Variants in VPS13B observed in about 807,000 individuals in gnomAD.
The protein encoded by VPS13B is intermembrane lipid transfer protein VPS13B.
A neutral mutation model predicts 426.4 loss-of-function variants in VPS13B; 285 were observed. The ratio of observed to expected loss-of-function variants is 0.67; its 90% CI spans 0.61 to 0.74. VPS13B has a LOEUF of 0.74. Ranked by LOEUF, VPS13B falls within the 30% of genes least tolerant of loss-of-function variation. The probability of loss-of-function intolerance (pLI) is 0.00; values close to 1 mark genes in which losing one functional copy is unlikely to be tolerated. For missense variants in VPS13B, 4,537 were observed against 4,782.6 expected (o/e 0.95, Z 1.51); for synonymous variants, 1,676 against 1,676.4 (o/e 1.00, Z 0.01).
At chr8:99,782,492 G>A (rs975425751) in intron 42 of VPS13B, among the ~76,000 whole-genome samples, 6 of 151,882 alleles carry the variant, frequency 4.0e-5, no homozygotes, top group Admixed American at 3.9e-4. Flanking sequence ...ACCTTGGGAG[G>A]ATCTCAGAAG....
At chr8:99,159,047 G>T (rs953610879) in intron 15 of VPS13B, among the ~76,000 whole-genome samples, 1 of 152,218 alleles carries the variant, frequency 6.6e-6, no homozygotes, top group Non-Finnish European at 1.5e-5. Flanking sequence ...ACAGAAGGAG[G>T]TCAATCTATT....
At position 99,875,518 on chromosome 8, in the gene VPS13B, T is replaced by C. The variant is rs749127179; in HGVS notation, c.11846T>C (p.Met3949Thr). The change falls in exon 62 of 62, where the codon ATG becomes ACG. Residue 3949 changes from methionine (M) to threonine (T), a missense_variant. Transcript: ENST00000357162. ...SCHLAPSCSSMQIPCPVVAAE... is the reference protein window; with the variant it reads ...SCHLAPSCSSTQIPCPVVAAE... The stretch of plus-strand genomic sequence containing the variant: ...CACCTGGCCCCCAGCTGTTCTTCCA[T>C]GCAAATACCATGCCCTGTGGTGGCT... The C allele has an allele frequency of 9.3e-6, 15 of 1,613,978 alleles. No individual in the cohort carries two copies. The highest frequency in any genetic ancestry group is 1.3e-5 in the African/African-American group (1 of 74,932).
intron 17 of VPS13B, among the ~76,000 whole-genome samples, chr8:99,236,414 T>C (rs1405560656): frequency 6.6e-6 from 1 of 152,174 alleles, no homozygotes; most frequent in East Asian, 1.9e-4. Flanking sequence ...CACGCCTGGC[T>C]AATTTTTGTA....
intron 43 of VPS13B, among the ~76,000 whole-genome samples, chr8:99,802,153 TAA>T (rs570745937): frequency 2.7e-5 from 3 of 112,952 alleles, no homozygotes; most frequent in Admixed American, 8.6e-5. Flanking sequence ...CAGTCTCAAA[TAA>T]AAAAAAAAAA....
At chr8:99,574,117 A>G (rs1825633695) in intron 31 of VPS13B, among the ~76,000 whole-genome samples, 1 of 152,068 alleles carries the variant, frequency 6.6e-6, no homozygotes, top group South Asian at 2.1e-4. Flanking sequence ...TTATTTGTGG[A>G]TAAGAATGCT....
intron 24 of VPS13B, among the ~76,000 whole-genome samples, chr8:99,474,481 C>T (rs914860797): frequency 6.6e-6 from 1 of 151,826 alleles, no homozygotes; most frequent in South Asian, 2.1e-4. Flanking sequence ...GCCACTGCAC[C>T]CGGACTAAAA....
chr8:99,442,623 A>G lies in VPS13B; in HGVS notation c.3433A>G (p.Ile1145Val). Residue 1145 changes from isoleucine to valine, a missense_variant, in exon 23 of 62, where the codon ATC becomes GTC. Physicochemically the swap from Ile to Val is conservative, Grantham distance 29. Coordinates refer to ENST00000357162, the MANE Select transcript of VPS13B (RefSeq NM_152564.5). ...QEIPFVIPRP[I>V]LEEGDAFPWT... is the part of the protein sequence containing the mutation. ...GATTCCATTTGTTATCCCACGACCCATCCTTGAAGAAGGTATATGTTAACA... is the reference window on the plus strand; with the variant it reads ...GATTCCATTTGTTATCCCACGACCCGTCCTTGAAGAAGGTATATGTTAACA... The G allele has an allele frequency of 6.2e-7, 1 of 1,613,810 alleles. No homozygotes were observed. Among genetic ancestry groups the G allele is most frequent in the Non-Finnish European group, 8.5e-7 (1 of 1,179,782 alleles).
chr8:99,247,356 A>T (rs536665980), intron 17 of VPS13B, among the ~76,000 whole-genome samples: 47 of 152,166 alleles, frequency 3.1e-4, no homozygotes, highest in Non-Finnish European at 5.4e-4. Context: ...ACAGCATACC[A>T]TATTTTCATC....
At chr8:99,869,646 T>C (rs1421128241) in intron 59 of VPS13B, among the ~76,000 whole-genome samples, 3 of 152,210 alleles carry the variant, frequency 2.0e-5, no homozygotes, top group Non-Finnish European at 4.4e-5. Context: ...TGAGGTAAAG[T>C]GAAGTCATAC....
At chr8:99,499,283 A>G (rs767382486) in intron 25 of VPS13B, among the ~76,000 whole-genome samples, 1 of 152,108 alleles carries the variant, frequency 6.6e-6, no homozygotes, top group Non-Finnish European at 1.5e-5. Context: ...TGTAAATCCA[A>G]AATGAAAACT....
chr8:99,305,970 A>G (rs1180658325), intron 19 of VPS13B, among the ~76,000 whole-genome samples: 1 of 152,066 alleles, frequency 6.6e-6, no homozygotes, highest in Non-Finnish European at 1.5e-5. Flanking sequence ...CACTTAACCT[A>G]GTTATATCAC....
At chr8:99,631,919 G>A (rs1434381507) in intron 33 of VPS13B, among the ~76,000 whole-genome samples, 2 of 151,842 alleles carry the variant, frequency 1.3e-5, no homozygotes, top group East Asian at 3.9e-4. Context: ...TTTGACATTA[G>A]CTCTATCTTC....
intron 33 of VPS13B, among the ~76,000 whole-genome samples, chr8:99,579,155 G>A (rs1045743430): frequency 6.6e-6 from 1 of 152,092 alleles, no homozygotes. Flanking sequence ...AGAAAGGACT[G>A]TTTGGACCTT....
At chr8:99,390,158 C>A (rs1011516984) in intron 20 of VPS13B, among the ~76,000 whole-genome samples, 1 of 151,292 alleles carries the variant, frequency 6.6e-6, no homozygotes, top group Non-Finnish European at 1.5e-5. Context: ...AGTGCAGTGG[C>A]ATGATCTCGG....
chr8:99,037,959 A>G (rs1177342942), intron 2 of VPS13B, among the ~76,000 whole-genome samples: 3 of 151,976 alleles, frequency 2.0e-5, no homozygotes, highest in Non-Finnish European at 4.4e-5. Flanking sequence ...ATATATTTTG[A>G]AGACATATTT....
At chr8:99,809,042 G>T (rs1427595591) in intron 43 of VPS13B, among the ~76,000 whole-genome samples, 1 of 151,834 alleles carries the variant, frequency 6.6e-6, no homozygotes, top group Non-Finnish European at 1.5e-5. Flanking sequence ...CCAATACCAA[G>T]GTTCTTTGAT....
chr8:99,336,343 C>A (rs1428936239), intron 19 of VPS13B, among the ~76,000 whole-genome samples: 1 of 152,144 alleles, frequency 6.6e-6, no homozygotes, highest in African/African-American at 2.4e-5. Flanking sequence ...CCCTTCCTTA[C>A]ACCTTATACA....
intron 39 of VPS13B, among the ~76,000 whole-genome samples, chr8:99,728,830 C>T (rs1195130474): frequency 6.6e-6 from 1 of 152,190 alleles, no homozygotes; most frequent in Non-Finnish European, 1.5e-5. Context: ...GTCCTGGAAA[C>T]AATTGCAAAT....
intron 17 of VPS13B, among the ~76,000 whole-genome samples, chr8:99,226,793 T>C (rs560823945): frequency 2.6e-5 from 4 of 152,232 alleles, no homozygotes; most frequent in Non-Finnish European, 4.4e-5. Context: ...ATGTGATATA[T>C]GTGATATTTT....
Sources: allele counts gnomAD v4.1 joint callset (sites outside exome capture counted in the v4.1 genomes callset), GRCh38; gene constraint gnomAD v4.1.1; transcripts MANE v1.5; gene names NCBI Gene and HGNC (gene_info 2026-07-23, HGNC 2026-07-21).